Variants in SAXO1 observed in about 807,000 individuals in gnomAD.
SAXO1 encodes the protein stabilizer of axonemal microtubules 1, also known as 4930500O09Rik.
Under a neutral mutation model 17.5 loss-of-function variants are expected in SAXO1, and 21 were observed. The observed-to-expected ratio is 1.20, with a 90% CI of 0.85 to 1.72. SAXO1 has a LOEUF of 1.72. Among genes scored for constraint, SAXO1 ranks in the 40% most tolerant of loss-of-function variants. SAXO1 has a pLI of 0.00. For missense variants in SAXO1, 843 were observed against 596.0 expected, an observed-to-expected ratio of 1.41 and a Z score of -4.32; for synonymous variants, 274 against 216.5, an observed-to-expected ratio of 1.27 and a Z score of -2.33.
At chr9:19,022,803 T>C (rs1835303657) in intron 1 of SAXO1, among the ~76,000 whole-genome samples, 2 of 152,218 alleles carry the variant, frequency 1.3e-5, no homozygotes, top group African/African-American at 4.8e-5. Flanking sequence ...AACATTTTTC[T>C]TTCCTTTTAG....
intron 1 of SAXO1, among the ~76,000 whole-genome samples, chr9:18,965,177 T>A (rs1010798255): frequency 2.0e-5 from 3 of 152,184 alleles, no homozygotes; most frequent in African/African-American, 7.2e-5. Context: ...TACTTCCAAT[T>A]ATGTGGTCAA....
At chr9:19,022,696 A>C (rs1342424909) in intron 1 of SAXO1, among the ~76,000 whole-genome samples, 4 of 152,206 alleles carry the variant, frequency 2.6e-5, no homozygotes, top group Non-Finnish European at 4.4e-5. Context: ...TTACAACCCC[A>C]ATTTGTTAAC....
At chr9:19,030,122 G>A (rs931060120) in intron 1 of SAXO1, among the ~76,000 whole-genome samples, 11 of 152,112 alleles carry the variant, frequency 7.2e-5, no homozygotes, top group South Asian at 2.1e-4. Context: ...AAGTGAAACC[G>A]GGCCTTACAA....
At chr9:18,979,453 G>C (rs1386964687) in intron 1 of SAXO1, among the ~76,000 whole-genome samples, 1 of 152,194 alleles carries the variant, frequency 6.6e-6, no homozygotes, top group African/African-American at 2.4e-5. Flanking sequence ...ATGGTGAATG[G>C]GGGTATCTGT....
At chr9:18,930,248 C>T (rs1830984138) in intron 3 of SAXO1, among the ~76,000 whole-genome samples, 1 of 152,186 alleles carries the variant, frequency 6.6e-6, no homozygotes, top group African/African-American at 2.4e-5. Context: ...TCTAGATGTC[C>T]ATCTCCAGAG....
chr9:18,963,770 G>T (rs935424710), intron 1 of SAXO1, among the ~76,000 whole-genome samples: 1 of 152,066 alleles, frequency 6.6e-6, no homozygotes, highest in African/African-American at 2.4e-5. Context: ...TCTCCTAATT[G>T]AATACCCTTT....
chr9:18,987,038 T>C (rs1833620948), intron 1 of SAXO1, among the ~76,000 whole-genome samples: 1 of 152,216 alleles, frequency 6.6e-6, no homozygotes, highest in African/African-American at 2.4e-5. Context: ...AACAAATTGC[T>C]GCATTGAATC....
chr9:19,030,445 G>T (rs903285381), intron 1 of SAXO1, among the ~76,000 whole-genome samples: 1 of 152,150 alleles, frequency 6.6e-6, no homozygotes, highest in East Asian at 1.9e-4. Flanking sequence ...GGTGGCTCAC[G>T]CCTGTAATCC....
intron 1 of SAXO1, among the ~76,000 whole-genome samples, chr9:18,994,942 A>G (rs2131850812): frequency 6.6e-6 from 1 of 152,310 alleles, no homozygotes; most frequent in Admixed American, 6.5e-5. Context: ...AAGGCCTCAA[A>G]AGAAAAGCTC....
intron 1 of SAXO1, among the ~76,000 whole-genome samples, chr9:19,042,713 T>A (rs1408807525): frequency 7.9e-5 from 12 of 151,950 alleles, no homozygotes; most frequent in Admixed American, 7.2e-4. Flanking sequence ...GAATACAAAA[T>A]TAGCCAGGCA....
At chr9:18,938,205 T>C (rs1831378108) in intron 3 of SAXO1, among the ~76,000 whole-genome samples, 1 of 152,200 alleles carries the variant, frequency 6.6e-6, no homozygotes, top group Non-Finnish European at 1.5e-5. Context: ...AATAGGATTT[T>C]CTCAATTTTA....
At chr9:19,045,296 G>A (rs1836182876) in intron 1 of SAXO1, among the ~76,000 whole-genome samples, 1 of 129,858 alleles carries the variant, frequency 7.7e-6, no homozygotes, top group Admixed American at 9.2e-5. Context: ...CGGCCTGGGC[G>A]ACAGAGCGAG....
At chr9:18,995,878 G>A (rs545536857) in intron 1 of SAXO1, among the ~76,000 whole-genome samples, 2 of 152,078 alleles carry the variant, frequency 1.3e-5, no homozygotes, top group African/African-American at 4.8e-5. Flanking sequence ...TCAGGAGTTT[G>A]AGACCAGCCT....
rs773913326 is a variant in SAXO1, at chr9:18,950,909, T to A, written c.67A>T (p.Lys23Ter). 8.1e-6 allele frequency: 13 copies of A among 1,612,910 alleles called. No homozygotes were observed. In the South Asian group the frequency reaches 1.4e-4, roughly 18 times the overall value. Residue 23 changes from lysine (K) to a stop codon, truncating the protein, a stop_gained, in exon 2 of 4, where the codon AAG (lysine) becomes TAG (stop). Transcript: ENST00000380534. LOFTEE classifies it high-confidence loss of function. ...GGTTTCTCTGTTTTATCATAAATCT[T>A]GGTAGGGAGATGTGGACAGTGATGC... ...GRHHCPHLPT[K>*]IYDKTEKPCL...
chr9:18,984,472 T>C (rs1054709711), intron 1 of SAXO1, among the ~76,000 whole-genome samples: 1 of 152,242 alleles, frequency 6.6e-6, no homozygotes, highest in Non-Finnish European at 1.5e-5. Flanking sequence ...TCACCAGTGA[T>C]CTTAGCTAGA....
intron 2 of SAXO1, among the ~76,000 whole-genome samples, chr9:18,947,522 G>A (rs1044521698): frequency 2.6e-5 from 4 of 152,046 alleles, no homozygotes; most frequent in Non-Finnish European, 5.9e-5. Context: ...TAGGATAAAC[G>A]TCTAACACCA....
upstream of SAXO1, among the ~76,000 whole-genome samples, chr9:19,035,388 A>G (rs1408260943): frequency 6.6e-6 from 1 of 152,170 alleles, no homozygotes; most frequent in Non-Finnish European, 1.5e-5. Flanking sequence ...CATGATTCTG[A>G]GACCTCCCCA....
intron 1 of SAXO1, among the ~76,000 whole-genome samples, chr9:19,038,434 A>G (rs1157069687): frequency 6.6e-6 from 1 of 152,070 alleles, no homozygotes. Context: ...GCCATAAAAA[A>G]TGATGAGCTC....
intron 1 of SAXO1, among the ~76,000 whole-genome samples, chr9:18,959,292 A>G (rs1433840039): frequency 6.6e-6 from 1 of 152,220 alleles, no homozygotes; most frequent in Non-Finnish European, 1.5e-5. Context: ...ATTCGCAGAT[A>G]GGAATACTCT....
Sources: gnomAD v4.1 joint callset for allele counts (sites outside exome capture counted in the v4.1 genomes callset) on GRCh38, gnomAD v4.1.1 for gene constraint, MANE v1.5 for transcripts, NCBI Gene and HGNC (gene_info 2026-07-23, HGNC 2026-07-21) for gene names.